Variants in OGG1 observed in about 807,000 individuals in gnomAD.
The protein encoded by OGG1 is N-glycosylase/DNA lyase.
Under a neutral mutation model 42.3 loss-of-function variants are expected in OGG1, and 35 were observed. The observed-to-expected ratio is 0.83, with a 90% CI of 0.63 to 1.10. OGG1 has a LOEUF of 1.10. Among genes scored for constraint, OGG1 ranks in the 50% least tolerant of loss-of-function variants. OGG1 has a pLI of 0.00. For missense variants in OGG1, 484 were observed against 446.7 expected, an observed-to-expected ratio of 1.08 and a Z score of -0.75; for synonymous variants, 189 against 179.0, an observed-to-expected ratio of 1.06 and a Z score of -0.44.
At chr3:9,780,230 C>CGGCCCTCTA (rs2078427666) in intron 2 of OGG1, 1 of 997,542 alleles carries the variant, frequency 1.0e-6, no homozygotes, top group Admixed American at 2.6e-5. Flanking sequence ...GGAAGGGCCA[C>CGGCCCTCTA]GGCCCTCTAG....
chr3:9,789,455 C>T (rs913943861), downstream of OGG1: 2 of 1,511,638 alleles, frequency 1.3e-6, no homozygotes, highest in African/African-American at 1.4e-5. Flanking sequence ...ACTTCTCAGG[C>T]ACCTCTGAAC....
chr3:9,750,123 A>C lies in OGG1; in HGVS notation c.-164A>C. 1 of 893,488 alleles carries C rather than the reference A, an allele frequency of 1.1e-6. No homozygotes were observed. The highest frequency in any genetic ancestry group is 1.7e-6 in the Non-Finnish European group (1 of 596,132). 55.3% of individuals were successfully genotyped at this position (893,488 alleles called of 1,614,324 possible). A position where few individuals can be genotyped will look rare whatever the true frequency, so the allele number is the denominator to read the frequency against. The stretch of plus-strand genomic sequence containing the variant: ...TTTGATGACCCGCAAAGGGCGAGGC[A>C]TGCAGGAGGTGGAGGAATTAAGTGA... On this transcript the variant is annotated 5_prime_UTR_variant, in exon 1 of 7. An upstream start codon of the reference 5' UTR is lost. Transcript: ENST00000344629.
chr3:9,764,258 G>A (rs2078030812), intron 7 of OGG1, among the ~76,000 whole-genome samples: 1 of 152,160 alleles, frequency 6.6e-6, no homozygotes, highest in Non-Finnish European at 1.5e-5. Context: ...CCTGGCACAC[G>A]GTAAATACTC....
chr3:9,750,859 C>T (rs2077268232), intron 1 of OGG1, 86 bp from the exon 2 acceptor site: 3 of 1,485,200 alleles, frequency 2.0e-6, no homozygotes, highest in Admixed American at 1.7e-5. Context: ...TAGTTTCGTA[C>T]ATGGAGCTAT....
downstream of OGG1, chr3:9,767,841 C>A: frequency 6.4e-7 from 1 of 1,554,628 alleles, no homozygotes. Flanking sequence ...TGGGAATTTA[C>A]TGCAGGCCCC....
chr3:9,751,742 T>G, intron 2 of OGG1, 28 bp from the exon 3 acceptor site: 1 of 1,611,258 alleles, frequency 6.2e-7, no homozygotes, highest in Non-Finnish European at 8.5e-7. Flanking sequence ...CAGGTACCTC[T>G]CCTACCCCCT....
chr3:9,771,810 C>CTTTTT (rs5846644), intron 2 of OGG1, among the ~76,000 whole-genome samples: 4 of 66,712 alleles, frequency 6.0e-5, no homozygotes, highest in Non-Finnish European at 1.1e-4. Flanking sequence ...TGTACAACTT[C>CTTTTT]TTTTTTTTTT....
At chr3:9,756,962 G>T in intron 6 of OGG1, 99 bp from the exon 7 acceptor site, 1 of 1,612,022 alleles carries the variant, frequency 6.2e-7, no homozygotes, top group East Asian at 2.2e-5. Flanking sequence ...CTTCGGCCCT[G>T]TTCCCCAAGG....
At position 9,757,389 on chromosome 3, in the gene OGG1, G is replaced by GA; in HGVS notation, c.*242dup. 1.2e-6 allele frequency: 2 copies of GA among 1,612,390 alleles called. No individual in the cohort carries two copies. The highest frequency in any genetic ancestry group is 1.7e-6 in the Non-Finnish European group (2 of 1,179,122). On this transcript the variant is annotated 3_prime_UTR_variant, in exon 7 of 7. Transcript: ENST00000344629. This position sits in a 1 kb window ranked among gnomAD's most constrained non-coding sequence, Gnocchi z 4.5. ...TATTACAAGAAGGAACAATAAAATA[G>GA]AAACATTTGTATGGAAAATGCAGTG...
chr3:9,773,110 C>T (rs968942656), intron 2 of OGG1, among the ~76,000 whole-genome samples: 2 of 151,744 alleles, frequency 1.3e-5, no homozygotes, highest in African/African-American at 4.8e-5. Flanking sequence ...GCACCTGTAT[C>T]CCCAGCCACT....
chr3:9,759,209 T>A, downstream of OGG1: 1 of 1,614,090 alleles, frequency 6.2e-7, no homozygotes, highest in Non-Finnish European at 8.5e-7. Flanking sequence ...ATCACCACTT[T>A]TATGACCTTT....
exon 8 of OGG1, chr3:9,765,855 T>C (rs1455143563): frequency 6.2e-7 from 1 of 1,614,002 alleles, no homozygotes; most frequent in East Asian, 2.2e-5. Flanking sequence ...CTGCGTCCTC[T>C]TATCTTCTGC....
downstream of OGG1, chr3:9,761,986 T>C: frequency 1.9e-6 from 1 of 526,410 alleles, no homozygotes; most frequent in Non-Finnish European, 3.3e-6. Context: ...AGGTGTGCAC[T>C]GTAAAGCCCT....
In OGG1 at chr3:9,750,022, G is replaced by C; in HGVS notation, c.-265G>C. 1.9e-6 allele frequency: 1 copy of C among 529,480 alleles called. No individual in the cohort carries two copies. The highest frequency in any genetic ancestry group is 3.4e-6 in the Non-Finnish European group (1 of 295,856). The allele number at this position is 529,480 out of a possible 1,614,324, so 32.8% of individuals were successfully genotyped here. On this transcript the variant is annotated 5_prime_UTR_variant, in exon 1 of 7. Transcript: ENST00000344629. ...GTGCGCGCCCACAGGCTCTGGGGGC[G>C]GGAGAAGATAAGTCGCAAGGAGGGG...
At chr3:9,787,432 C>G (rs764731669) in intron 3 of OGG1, 3 of 1,494,678 alleles carry the variant, frequency 2.0e-6, no homozygotes, top group Non-Finnish European at 2.7e-6. Flanking sequence ...ATATCTCTCT[C>G]AAGTCCCTAG....
At chr3:9,772,178 G>C (rs867303125) in intron 2 of OGG1, among the ~76,000 whole-genome samples, 1 of 152,116 alleles carries the variant, frequency 6.6e-6, no homozygotes, top group Non-Finnish European at 1.5e-5. Context: ...TTTCTGAGAG[G>C]CCTCGTGTTT....
intron 2 of OGG1, chr3:9,779,807 A>G (rs1419762413): frequency 1.3e-5 from 2 of 152,174 alleles, no homozygotes; most frequent in Non-Finnish European, 2.9e-5. Context: ...ACGTGCAGCC[A>G]CAAGTATCCT....
downstream of OGG1, chr3:9,757,744 TCAG>T: frequency 1.9e-6 from 3 of 1,614,182 alleles, no homozygotes. This position sits in a 1 kb window ranked among gnomAD's most constrained non-coding sequence, Gnocchi z 4.5. Flanking sequence ...GCCACTGGTG[TCAG>T]CAGCTCCCCA....
chr3:9,750,463 G>C (rs1221243224), intron 1 of OGG1, 40 bp downstream of exon 1: 1 of 1,611,406 alleles, frequency 6.2e-7, no homozygotes, highest in Admixed American at 1.7e-5. Context: ...CCTCGGACTG[G>C]CTCCTGCCGC....
Sources: gnomAD v4.1 joint callset for allele counts (sites outside exome capture counted in the v4.1 genomes callset) on GRCh38, gnomAD v4.1.1 for gene constraint, Gnocchi (gnomAD v3.1) non-coding constraint, MANE v1.5 for transcripts, NCBI Gene and HGNC (gene_info 2026-07-23, HGNC 2026-07-21) for gene names.